Variants in MYO7B observed in about 807,000 individuals in gnomAD.
MYO7B encodes unconventional myosin-VIIb.
A neutral mutation model predicts 259.7 loss-of-function variants in MYO7B; 212 were observed. That is an observed-to-expected ratio of 0.82 (90% CI 0.73 to 0.91). The LOEUF (loss-of-function observed/expected upper bound fraction) is 0.91, where lower values mean the gene tolerates loss of function less well. Among genes scored for constraint, MYO7B ranks in the 40% least tolerant of loss-of-function variants. The pLI is 0.00. For synonymous variants in MYO7B, 1,197 were observed against 1,166.4 expected (o/e 1.03, Z -0.54); for missense variants, 2,732 against 2,813.5 (o/e 0.97, Z 0.66).
In MYO7B at chr2:127,634,221, A is replaced by T. The variant is rs1681670880; in HGVS notation, c.5557A>T (p.Ser1853Cys). 1 of 1,600,494 alleles carries T rather than the reference A, an allele frequency of 6.2e-7. No individual in the cohort carries two copies. The highest frequency in any genetic ancestry group is 8.5e-7 in the Non-Finnish European group (1 of 1,176,236). ...CACACGGGTGCGGGATGTGTGTGAC[A>T]GCATTGCCACCAGGCTGCAGCTGGC... Reference protein sequence around the residue: ...ANTRVRDVCDSIATRLQLASW... With the variant: ...ANTRVRDVCDCIATRLQLASW... The change falls in exon 41 of 48, where the codon AGC becomes TGC. Residue 1853 changes from serine (S) to cysteine (C), a missense_variant. By Grantham distance (112) the Ser-to-Cys change is moderately radical (BLOSUM62 -1). Around this residue, in one of 3 missense-constraint regions of MYO7B, gnomAD observed 821 missense variants for 769.3 expected, o/e 1.07. Transcript: ENST00000409816.
intron 42 of MYO7B, 67 bp downstream of exon 42, chr2:127,634,750 C>A: frequency 7.3e-7 from 1 of 1,368,640 alleles, no homozygotes; most frequent in Non-Finnish European, 1.0e-6. Flanking sequence ...CTGGCGGCCT[C>A]TGTGCGGCCC....
chr2:127,593,784 C>G, intron 18 of MYO7B, 140 bp downstream of exon 18: 1 of 733,682 alleles, frequency 1.4e-6, no homozygotes. Flanking sequence ...GGTCCCCACC[C>G]TCAGGGCACC....
intron 43 of MYO7B, 132 bp downstream of exon 43, chr2:127,635,358 A>T: frequency 1.2e-6 from 1 of 854,734 alleles, no homozygotes. Context: ...TGGTAGGCAG[A>T]CCAAGCCCCT....
Position 127,584,986 on chromosome 2 carries a change from C to A in MYO7B, c.1690+73C>A. ...CCAGGGAGACCGTGGAAAGCAGGCT[C>A]AGAGGATGAGGCTATTTTGCAGCTC... On this transcript the variant is annotated intron_variant, in intron 14 of 47. Coordinates refer to ENST00000409816, the MANE Select transcript of MYO7B (RefSeq NM_001393586.1). The surrounding 1 kb of genome is among the most constrained non-coding windows in gnomAD (Gnocchi z 5.8). 4 of 1,578,262 alleles carry A rather than the reference C, an allele frequency of 2.5e-6. No homozygotes were observed. The highest frequency in any genetic ancestry group is 3.5e-6 in the Non-Finnish European group (4 of 1,157,558).
chr2:127,627,589 A>G lies in MYO7B; in HGVS notation c.4460+279A>G, dbSNP rs1415680878. On this transcript the variant is annotated intron_variant, in intron 33 of 47. Transcript: ENST00000409816. This position sits in a 1 kb window ranked among gnomAD's most constrained non-coding sequence, Gnocchi z 5.6. Reference sequence around the variant, plus strand: ...ACCCGGAAGGGGCAGGGAAGCGTGCAGCCTCTGGCGGGCACTTATTTAGAA... The same window carrying G: ...ACCCGGAAGGGGCAGGGAAGCGTGCGGCCTCTGGCGGGCACTTATTTAGAA... The G allele has an allele frequency of 1.8e-6, 1 of 562,838 alleles. No homozygotes were observed. Among genetic ancestry groups the G allele is most frequent in the East Asian group, 4.3e-5 (1 of 23,412 alleles). The allele number at this position is 562,838 out of a possible 1,614,324, so 34.9% of individuals were successfully genotyped here.
chr2:127,625,563 A>G (rs745791474), intron 31 of MYO7B, 28 bp downstream of exon 31: 5 of 1,553,890 alleles, frequency 3.2e-6, no homozygotes, highest in Non-Finnish European at 4.4e-6. Flanking sequence ...TCAGGCACCC[A>G]CCCGAGGGCT....
chr2:127,634,645 T>C lies in MYO7B; in HGVS notation c.5675T>C (p.Val1892Ala), dbSNP rs1469283167. The change falls in exon 42 of 48, where the codon GTG becomes GCG. Residue 1892 changes from valine to alanine, a missense_variant. Around this residue, in one of 3 missense-constraint regions of MYO7B, gnomAD observed 821 missense variants for 769.3 expected, o/e 1.07. Transcript: ENST00000409816. ...TTCTTCTTTGATTCCTTGAGGGAGG[T>C]GTCTGACTGGGTGAAGAAGAACAAG... is the stretch of plus-strand genomic sequence containing the variant. ...GDFFFDSLREVSDWVKKNKPQ... is the reference protein window; with the variant it reads ...GDFFFDSLREASDWVKKNKPQ... 2 of 1,611,664 alleles carry C rather than the reference T, an allele frequency of 1.2e-6. No individual in the cohort carries two copies. The highest frequency in any genetic ancestry group is 1.7e-6 in the Non-Finnish European group (2 of 1,179,402).
At chr2:127,550,181 C>G (rs1287338213) in intron 1 of MYO7B, among the ~76,000 whole-genome samples, 1 of 152,126 alleles carries the variant, frequency 6.6e-6, no homozygotes, top group Non-Finnish European at 1.5e-5. Context: ...ACAATTTGAA[C>G]TAGGGGAGAT....
intron 14 of MYO7B, among the ~76,000 whole-genome samples, chr2:127,587,892 T>C (rs112646510): frequency 2.0e-5 from 3 of 152,304 alleles, no homozygotes; most frequent in South Asian, 4.1e-4. Flanking sequence ...ATAATGACAC[T>C]AGTTACACTG....
chr2:127,560,007 T>G (rs980214835), intron 2 of MYO7B, among the ~76,000 whole-genome samples: 1 of 134,592 alleles, frequency 7.4e-6, no homozygotes, highest in Non-Finnish European at 1.5e-5. Context: ...GATAAAGGGA[T>G]TTCTTTTCTT....
At position 127,635,133 on chromosome 2, in the gene MYO7B, G is replaced by T. The variant is rs377168438; in HGVS notation, c.5727G>T (p.Thr1909=). Residue 1909 remains threonine, a synonymous_variant, in exon 43 of 48, where the codon ACG becomes ACT. Transcript: ENST00000409816. ...GCCCTCGCCCAGGGGCCCCCGTGAC[G>T]CTCCCCTACCAGGTGTACTTCATGC... The part of the protein sequence containing the change: ...NKPQKEGAPV[T]LPYQVYFMRK... 1 of 1,612,558 alleles carries T rather than the reference G, an allele frequency of 6.2e-7. No homozygotes were observed. Among genetic ancestry groups the T allele is most frequent in the African/African-American group, 1.3e-5 (1 of 74,886 alleles).
At chr2:127,631,505 A>G (rs544018476) in intron 37 of MYO7B, 95 bp from the exon 38 acceptor site, 4 of 1,528,312 alleles carry the variant, frequency 2.6e-6, no homozygotes, top group Admixed American at 1.9e-5. Flanking sequence ...GAGCCCACAC[A>G]TGGCTCACCG....
intron 5 of MYO7B, 69 bp downstream of exon 5, chr2:127,566,896 A>T: frequency 6.7e-7 from 1 of 1,484,264 alleles, no homozygotes; most frequent in Non-Finnish European, 9.1e-7. Context: ...CATGCCTGCA[A>T]GATCAGGCGA....
Position 127,576,636 on chromosome 2 carries a change from C to T in MYO7B, c.777C>T (p.Leu259=). 1 of 1,612,034 alleles carries T rather than the reference C, an allele frequency of 6.2e-7. No homozygotes were observed. Residue 259 remains leucine, a synonymous_variant, in exon 8 of 48, where the codon CTC becomes CTT. Transcript: ENST00000409816. This position sits in a 1 kb window ranked among gnomAD's most constrained non-coding sequence, Gnocchi z 4.9. ...ACTACCATATCTTCTACTGCATGCT[C>T]ATGGGGGTGAGTGCTGAGGACAAGC... is the stretch of plus-strand genomic sequence containing the variant. ...ERNYHIFYCM[L]MGVSAEDKQL...
In MYO7B at chr2:127,551,880, T is replaced by C. The variant is rs534156290; in HGVS notation, c.-23-7820T>C. Among the ~76,000 whole-genome samples, 11 of 152,242 alleles carry C rather than the reference T, an allele frequency of 7.2e-5. 1 individual carries two copies. The highest frequency in any genetic ancestry group is 3.3e-4 in the Admixed American group (5 of 15,302). On this transcript the variant is annotated intron_variant, in intron 1 of 47. Coordinates refer to ENST00000409816, the MANE Select transcript of MYO7B (RefSeq NM_001393586.1). ...AGGGATTTTGGCAGAAACAGCTGAC[T>C]GGGGCCTAAAGAAGGATCTCTGGAC...
At position 127,546,852 on chromosome 2, in the gene MYO7B, C is replaced by T. The variant is rs529228975; in HGVS notation, c.-24+11021C>T. ...TTCACCTATTCACCCACCAATCTATCCACCCATTCACTTACCCAATCCAAC... is the reference window on the plus strand; with the variant it reads ...TTCACCTATTCACCCACCAATCTATTCACCCATTCACTTACCCAATCCAAC... On this transcript the variant is annotated intron_variant, in intron 1 of 47. Coordinates refer to ENST00000409816, the MANE Select transcript of MYO7B (RefSeq NM_001393586.1). This position sits in a 1 kb window ranked among gnomAD's most constrained non-coding sequence, Gnocchi z 4.2. 3.9e-5 allele frequency among the ~76,000 whole-genome samples: 6 copies of T among 152,022 alleles called. No homozygotes were observed. The highest frequency in any genetic ancestry group is 3.9e-4 in the Admixed American group (6 of 15,272).
Position 127,637,296 on chromosome 2 carries a change from C to A in MYO7B, c.6328-20C>A, listed in dbSNP as rs756925156. On this transcript the variant is annotated intron_variant, in intron 47 of 47. Coordinates refer to ENST00000409816, the MANE Select transcript of MYO7B (RefSeq NM_001393586.1). ...TGCCCTCTGCACCCACAGCCTCTGACCCCCCCGTCCCCTGTCCAGGGCTAT... is the reference window on the plus strand; with the variant it reads ...TGCCCTCTGCACCCACAGCCTCTGAACCCCCCGTCCCCTGTCCAGGGCTAT... 2.0e-6 allele frequency: 3 copies of A among 1,481,272 alleles called. No individual in the cohort carries two copies. The highest frequency in any genetic ancestry group is 2.7e-6 in the Non-Finnish European group (3 of 1,119,204). 91.8% of individuals were successfully genotyped at this position (1,481,272 alleles called of 1,614,324 possible). A position where few individuals can be genotyped will look rare whatever the true frequency, so the allele number is the denominator to read the frequency against.
At chr2:127,605,732 A>G in intron 19 of MYO7B, 112 bp from the exon 20 acceptor site, 2 of 897,544 alleles carry the variant, frequency 2.2e-6, no homozygotes, top group Admixed American at 2.3e-5. Flanking sequence ...GTACGTATTC[A>G]TTTTTCCCAA....
In MYO7B at chr2:127,576,089, C is replaced by G. The variant is rs955861379; in HGVS notation, c.736-506C>G. 6.6e-6 allele frequency among the ~76,000 whole-genome samples: 1 copy of G among 152,066 alleles called. No individual in the cohort carries two copies. The highest frequency in any genetic ancestry group is 1.5e-5 in the Non-Finnish European group (1 of 68,000). On this transcript the variant is annotated intron_variant, in intron 7 of 47. Transcript: ENST00000409816. The surrounding 1 kb of genome is among the most constrained non-coding windows in gnomAD (Gnocchi z 4.9). ...TGGTGTGTGCCTGTGATCTTAGCTA[C>G]TTGGTAGGCTGAGGTGGGAGGATGG... is the stretch of plus-strand genomic sequence containing the variant.
Sources: gnomAD v4.1 joint callset for allele counts (sites outside exome capture counted in the v4.1 genomes callset) on GRCh38, gnomAD v4.1.1 for gene constraint, gnomAD v4.1.1 regional missense constraint, Gnocchi (gnomAD v3.1) non-coding constraint, MANE v1.5 for transcripts, NCBI Gene and HGNC (gene_info 2026-07-23, HGNC 2026-07-21) for gene names.